PRRG2: variants seen among roughly 807,000 people sequenced by gnomAD.
PRRG2 encodes proline rich and Gla domain 2.
A neutral mutation model predicts 27.1 loss-of-function variants in PRRG2; 23 were observed. The observed-to-expected ratio is 0.85, with a 90% confidence interval of 0.61 to 1.20. The LOEUF is 1.20. PRRG2 is among the 50% of genes most tolerant of loss of function. PRRG2 has a pLI of 0.00. For synonymous variants in PRRG2, 104 were observed against 103.4 expected, an observed-to-expected ratio of 1.01 and a Z score of -0.03; for missense variants, 276 against 254.8, an observed-to-expected ratio of 1.08 and a Z score of -0.57.
chr19:49,589,906 GCTCATTAGCCCTCTGAGTC>G lies in PRRG2; in HGVS notation c.447_465del (p.Ile150Ter). The G allele has an allele frequency of 6.2e-7, 1 of 1,613,070 alleles. No homozygotes were observed. Among genetic ancestry groups the G allele is most frequent in the Non-Finnish European group, 8.5e-7 (1 of 1,179,936 alleles). On this transcript the variant is annotated frameshift_variant, in exon 6 of 7. Transcript: ENST00000246794. LOFTEE classifies it high-confidence loss of function. ...GTACCTTTGCTGTCCCCAGGGCCGG[GCTCATTAGCCCTCTGAGTC>G]CTTTGAACCCTCTGGGCCCACCGAC...
At chr19:49,581,667 C>A (rs781568147) in intron 1 of PRRG2, among the ~76,000 whole-genome samples, 186 bp downstream of exon 1, 13 of 152,056 alleles carry the variant, frequency 8.5e-5, no homozygotes, top group African/African-American at 3.1e-4. Context: ...TCTTTGTTGT[C>A]TGTGGGTGGA....
chr19:49,580,926 A>G (rs573241652), upstream of PRRG2, among the ~76,000 whole-genome samples: 35 of 152,270 alleles, frequency 2.3e-4, no homozygotes, highest in African/African-American at 7.7e-4. Flanking sequence ...TCTTAAAACA[A>G]TTGAGAAGAG....
At chr19:49,588,779 G>A (rs941920148) in intron 5 of PRRG2, 147 bp downstream of exon 5, 3 of 1,131,434 alleles carry the variant, frequency 2.7e-6, no homozygotes, top group East Asian at 5.9e-5. Context: ...GAGTCTGTGA[G>A]CTGGCTTGTG....
intron 4 of PRRG2, 34 bp downstream of exon 4, chr19:49,583,986 C>T: frequency 1.3e-6 from 2 of 1,593,380 alleles, no homozygotes; most frequent in Non-Finnish European, 1.7e-6. Flanking sequence ...TTGTTCTGTG[C>T]AGCTAAGGTA....
chr19:49,583,740 G>A, intron 3 of PRRG2, 23 bp downstream of exon 3: 3 of 1,612,512 alleles, frequency 1.9e-6, no homozygotes, highest in Non-Finnish European at 2.5e-6. Flanking sequence ...AGACCCTGGA[G>A]TTTCGGGCCC....
intron 4 of PRRG2, 71 bp downstream of exon 4, chr19:49,584,023 C>T (rs558079267): frequency 1.3e-5 from 18 of 1,438,100 alleles, no homozygotes; most frequent in African/African-American, 5.7e-5. Context: ...GCCAAACCAA[C>T]GTCCTCCACC....
At chr19:49,590,167 C>T in intron 6 of PRRG2, 115 bp downstream of exon 6, 1 of 1,276,156 alleles carries the variant, frequency 7.8e-7, no homozygotes, top group African/African-American at 1.6e-5. Context: ...TGGGGCGGGG[C>T]TTGGAGTGCG....
intron 4 of PRRG2, among the ~76,000 whole-genome samples, chr19:49,587,350 C>T (rs10426059): frequency 1.5e-5 from 2 of 134,544 alleles, no homozygotes; most frequent in African/African-American, 2.8e-5. Context: ...TTTTTGAGGG[C>T]GACAGAGTCT....
chr19:49,590,306 C>T, intron 6 of PRRG2, 65 bp from the exon 7 acceptor site: 5 of 1,611,902 alleles, frequency 3.1e-6, no homozygotes, highest in Non-Finnish European at 4.2e-6. Flanking sequence ...TCGGAGTGGT[C>T]CTGGTTGAAG....
At chr19:49,586,491 T>A (rs952928102) in intron 4 of PRRG2, among the ~76,000 whole-genome samples, 8 of 151,552 alleles carry the variant, frequency 5.3e-5, no homozygotes, top group African/African-American at 1.7e-4. Flanking sequence ...GTCAAGTGAC[T>A]CTTCTTCCTC....
rs924392299 is a variant in PRRG2, at chr19:49,590,673, G to A, written c.*284G>A. On this transcript the variant is annotated 3_prime_UTR_variant, in exon 7 of 7. Coordinates refer to ENST00000246794, the MANE Select transcript of PRRG2 (RefSeq NM_000951.3). ...CCGCCCCCGTGGTAGGCAGACGCGC[G>A]GGGAAATTCGGACCCAGGAGCCCAG... 6.0e-6 allele frequency: 3 copies of A among 503,552 alleles called. No homozygotes were observed. The highest frequency in any genetic ancestry group is 1.1e-5 in the Non-Finnish European group (3 of 281,918). The allele number at this position is 503,552 out of a possible 1,614,324, so 31.2% of individuals were successfully genotyped here.
chr19:49,589,010 T>A (rs1466271692), intron 5 of PRRG2, among the ~76,000 whole-genome samples: 3 of 152,072 alleles, frequency 2.0e-5, no homozygotes, highest in Non-Finnish European at 2.9e-5. Context: ...GTGCAGCACC[T>A]GAGTGGGTGT....
At chr19:49,590,121 C>T in intron 6 of PRRG2, 69 bp downstream of exon 6, 1 of 1,418,976 alleles carries the variant, frequency 7.0e-7, no homozygotes, top group Admixed American at 2.7e-5. Context: ...GGAACCTGGG[C>T]TCAGGGGCGG....
chr19:49,590,737 T>G lies in PRRG2; in HGVS notation c.*348T>G, dbSNP rs1273570854. On this transcript the variant is annotated 3_prime_UTR_variant, in exon 7 of 7. Coordinates refer to ENST00000246794, the MANE Select transcript of PRRG2 (RefSeq NM_000951.3). ...ATCTTGTGTATGGGCAGATATGACC[T>G]GACAGCCCCCTCCAGTGCCACAGGG... The G allele has an allele frequency of 1.1e-5, 4 of 363,518 alleles. No homozygotes were observed. Among genetic ancestry groups the G allele is most frequent in the South Asian group, 8.8e-5 (3 of 33,902 alleles). The allele number at this position is 363,518 out of a possible 1,614,324, so 22.5% of individuals were successfully genotyped here. A position where few individuals can be genotyped will look rare whatever the true frequency, so the allele number is the denominator to read the frequency against.
rs527352052 is a variant in PRRG2 at position 49,587,324 on chromosome 19, CTTT to C, written c.302-1155_302-1153del. ...TATTCCAAGTAGTACATGTGACATC[CTTT>C]TTTTTTTTTTTTTTTTTGAGGGCGA... On this transcript the variant is annotated intron_variant, in intron 4 of 6. Coordinates refer to ENST00000246794, the MANE Select transcript of PRRG2 (RefSeq NM_000951.3). Among the ~76,000 whole-genome samples the C allele has an allele frequency of 1.7e-3, 211 of 121,730 alleles. 1 individual carries two copies. Among genetic ancestry groups the C allele is most frequent in the African/African-American group, 2.7e-3 (79 of 29,666 alleles). The allele number at this position is 121,730 out of a possible 152,430, so 79.9% of individuals were successfully genotyped here. A position where few individuals can be genotyped will look rare whatever the true frequency, so the allele number is the denominator to read the frequency against.
chr19:49,589,587 T>C (rs2122259633), intron 5 of PRRG2, among the ~76,000 whole-genome samples: 1 of 151,822 alleles, frequency 6.6e-6, no homozygotes, highest in East Asian at 1.9e-4. Context: ...GTGTGCGCCA[T>C]GCACCCGGCA....
intron 5 of PRRG2, among the ~76,000 whole-genome samples, chr19:49,589,381 C>T (rs1374515343): frequency 2.0e-5 from 3 of 151,120 alleles, no homozygotes; most frequent in Non-Finnish European, 4.4e-5. Flanking sequence ...CCGCCTTGGC[C>T]TCCCAAAGTG....
intron 1 of PRRG2, 112 bp from the exon 2 acceptor site, chr19:49,583,095 T>C (rs143442274): frequency 1.3e-6 from 1 of 765,400 alleles, no homozygotes; most frequent in South Asian, 1.7e-5. Flanking sequence ...ATACAGGCTG[T>C]GTAAGTGGCT....
At chr19:49,588,984 G>A (rs1317220552) in intron 5 of PRRG2, among the ~76,000 whole-genome samples, 4 of 152,112 alleles carry the variant, frequency 2.6e-5, no homozygotes, top group African/African-American at 9.7e-5. Flanking sequence ...TGGTATGTCA[G>A]TTTCAGTGGT....
Sources: gnomAD v4.1 joint callset for allele counts (sites outside exome capture counted in the v4.1 genomes callset) on GRCh38, gnomAD v4.1.1 for gene constraint, MANE v1.5 for transcripts, NCBI Gene and HGNC (gene_info 2026-07-23, HGNC 2026-07-21) for gene names.